Variants in NCAM1 observed in about 807,000 individuals in gnomAD.
The protein encoded by NCAM1 is antigen recognized by monoclonal antibody 5.1H11.
In NCAM1, 14 loss-of-function variants were observed where a neutral mutation model predicts 109.8. That is an observed-to-expected ratio of 0.13 (90% CI 0.08 to 0.20). The LOEUF (loss-of-function observed/expected upper bound fraction) is 0.20. Among genes scored for constraint, NCAM1 ranks in the 10% least tolerant of loss-of-function variants. The pLI is 1.00. For synonymous variants in NCAM1, 418 were observed against 442.9 expected (o/e 0.94, Z 0.70); for missense variants, 774 against 1,109.9 (o/e 0.70, Z 4.30).
chr11:113,273,024 G>A lies in NCAM1; in HGVS notation c.2456+1148G>A, dbSNP rs1591479031. 2.2e-6 allele frequency: 1 copy of A among 456,720 alleles called. No homozygotes were observed. The highest frequency in any genetic ancestry group is 7.0e-5 in the East Asian group (1 of 14,366). The allele number at this position is 456,720 out of a possible 1,614,324, so 28.3% of individuals were successfully genotyped here. A position where few individuals can be genotyped will look rare whatever the true frequency, so the allele number is the denominator to read the frequency against. The stretch of plus-strand genomic sequence containing the variant: ...CTCTGACACTATCACCGAAACCTTT[G>A]CCACTGCTCAGAACAGCCCCACCAG... On this transcript the variant is annotated intron_variant, in intron 19 of 19. Transcript: ENST00000316851. This position sits in a 1 kb window ranked among gnomAD's most constrained non-coding sequence, Gnocchi z 6.0.
intron 1 of NCAM1, among the ~76,000 whole-genome samples, chr11:113,108,862 G>A (rs1431665152): frequency 2.7e-5 from 4 of 148,202 alleles, no homozygotes; most frequent in Admixed American, 6.7e-5. Context: ...TGCAACCTCC[G>A]CCTCCCAGAT....
chr11:113,007,842 A>G (rs534220326), intron 1 of NCAM1, among the ~76,000 whole-genome samples: 1 of 152,374 alleles, frequency 6.6e-6, no homozygotes, highest in African/African-American at 2.4e-5. Context: ...GAGTCAAAAT[A>G]TAATTCAAAG....
intron 1 of NCAM1, among the ~76,000 whole-genome samples, chr11:112,982,394 C>G (rs1455919240): frequency 6.6e-6 from 1 of 151,892 alleles, no homozygotes; most frequent in Non-Finnish European, 1.5e-5. Flanking sequence ...TGGCCTTGCT[C>G]ATCAGATGGG....
chr11:113,163,311 T>C (rs1942666975), intron 1 of NCAM1, among the ~76,000 whole-genome samples: 1 of 152,210 alleles, frequency 6.6e-6, no homozygotes. Flanking sequence ...AAACCACCCA[T>C]GCTGCTGTTT....
intron 1 of NCAM1, among the ~76,000 whole-genome samples, chr11:113,131,218 G>A (rs1226174235): frequency 4.0e-5 from 6 of 151,718 alleles, no homozygotes; most frequent in South Asian, 2.1e-4. Context: ...GTCTTTTTTC[G>A]AGGTAGGCTG....
intron 9 of NCAM1, among the ~76,000 whole-genome samples, chr11:113,222,460 C>T (rs1297185114): frequency 6.6e-6 from 1 of 152,202 alleles, no homozygotes; most frequent in African/African-American, 2.4e-5. Context: ...TTATAAACTT[C>T]CTGTGTATAA....
At chr11:113,169,052 GTGTGTGTGTGTGTGTGTGTC>G (rs1311300981) in intron 1 of NCAM1, among the ~76,000 whole-genome samples, 44 of 107,732 alleles carry the variant, frequency 4.1e-4, no homozygotes, top group Admixed American at 1.1e-3. Flanking sequence ...GTGTGTGTGT[GTGTGTGTGTGTGTGTGTGTC>G]TGTGTGTGTG....
intron 1 of NCAM1, among the ~76,000 whole-genome samples, chr11:113,164,760 G>A (rs567031656): frequency 3.3e-5 from 5 of 152,230 alleles, no homozygotes; most frequent in African/African-American, 1.2e-4. Flanking sequence ...GAAACCCTCT[G>A]AACCCTGCAC....
intron 1 of NCAM1, among the ~76,000 whole-genome samples, chr11:113,167,306 A>G (rs1214640352): frequency 2.0e-5 from 3 of 152,128 alleles, no homozygotes; most frequent in South Asian, 2.1e-4. Context: ...AAAAAATACC[A>G]TTGTTTCTAA....
At chr11:113,205,795 G>T (rs929677262) in intron 4 of NCAM1, 129 bp downstream of exon 4, 20 of 1,318,130 alleles carry the variant, frequency 1.5e-5, no homozygotes, top group Non-Finnish European at 2.0e-5. Context: ...GTGGTTTCTG[G>T]GTCCTGAATA....
At chr11:113,217,072 A>G (rs993748433) in intron 8 of NCAM1, among the ~76,000 whole-genome samples, 2 of 152,232 alleles carry the variant, frequency 1.3e-5, no homozygotes, top group African/African-American at 4.8e-5. Context: ...AGAATAGATG[A>G]TTGTATCTAA....
rs184896754 is a variant in NCAM1 at position 113,017,208 on chromosome 11, G to A, written c.52+55544G>A. ...AGACACTCTTCGTTTACTACAGCTC[G>A]AGAGGTTTGTTGTTTGGTCCCTTGG... is the stretch of plus-strand genomic sequence containing the variant. On this transcript the variant is annotated intron_variant, in intron 1 of 19. Coordinates refer to ENST00000316851, the MANE Select transcript of NCAM1 (RefSeq NM_181351.5). Among the ~76,000 whole-genome samples, 31 of 152,298 alleles carry A rather than the reference G, an allele frequency of 2.0e-4. No homozygotes were observed. The South Asian group carries it at 3.9e-3, about 19-fold the overall frequency.
At chr11:113,120,376 T>G (rs376663271) in intron 1 of NCAM1, among the ~76,000 whole-genome samples, 1 of 152,160 alleles carries the variant, frequency 6.6e-6, no homozygotes, top group East Asian at 1.9e-4. Flanking sequence ...CATTTAAAAG[T>G]AACAACCACC....
chr11:113,180,686 A>G (rs1555107809), intron 1 of NCAM1, among the ~76,000 whole-genome samples: 1 of 152,244 alleles, frequency 6.6e-6, no homozygotes, highest in Non-Finnish European at 1.5e-5. Context: ...AGTAGAAGAA[A>G]TATCTCCTCT....
At chr11:113,143,850 T>A (rs1374318751) in intron 1 of NCAM1, among the ~76,000 whole-genome samples, 7 of 152,126 alleles carry the variant, frequency 4.6e-5, no homozygotes, top group Non-Finnish European at 7.4e-5. Flanking sequence ...TGGCATTGTG[T>A]GTATTCGTTG....
At chr11:113,051,126 GA>G (rs1953470334) in intron 1 of NCAM1, among the ~76,000 whole-genome samples, 1 of 152,162 alleles carries the variant, frequency 6.6e-6, no homozygotes, top group Admixed American at 6.5e-5. Flanking sequence ...ATTTTTCCAG[GA>G]AGAGCATTTG....
intron 1 of NCAM1, among the ~76,000 whole-genome samples, chr11:113,163,652 G>A (rs11214523): frequency 0.093 from 14,080 of 152,142 alleles, 930 homozygotes; most frequent in East Asian, 0.26. Flanking sequence ...CTGCCAAGAG[G>A]GAAAACCGTA....
At chr11:113,255,161 A>G (rs370960310) in intron 15 of NCAM1, among the ~76,000 whole-genome samples, 6 of 152,342 alleles carry the variant, frequency 3.9e-5, no homozygotes, top group African/African-American at 1.4e-4. Flanking sequence ...ACTTTAACAC[A>G]TTAAAGTCTT....
chr11:113,232,649 T>C, intron 11 of NCAM1, 69 bp from the exon 12 acceptor site: 1 of 1,236,380 alleles, frequency 8.1e-7, no homozygotes, highest in Non-Finnish European at 1.2e-6. Flanking sequence ...CTTAATTCAG[T>C]AAATAAAGAT....
Sources: allele counts gnomAD v4.1 joint callset (sites outside exome capture counted in the v4.1 genomes callset), GRCh38; gene constraint gnomAD v4.1.1; non-coding constraint Gnocchi (gnomAD v3.1); transcripts MANE v1.5; gene names NCBI Gene and HGNC (gene_info 2026-07-23, HGNC 2026-07-21).